The following PCDHA9 variants were observed in gnomAD, a reference collection of about 807,000 sequenced individuals.
PCDHA9 encodes the protein protocadherin alpha 9.
Under a neutral mutation model 62.0 loss-of-function variants are expected in PCDHA9, and 62 were observed. The observed-to-expected ratio is 1.00, with a 90% confidence interval of 0.81 to 1.23. The LOEUF (loss-of-function observed/expected upper bound fraction) is 1.23, where lower values mean the gene tolerates loss of function less well. Ranked by LOEUF, PCDHA9 falls within the 50% of genes most tolerant of loss-of-function variation. PCDHA9 has a pLI of 0.00. For synonymous variants in PCDHA9, 557 were observed against 567.6 expected (o/e 0.98, Z 0.27); for missense variants, 1,205 against 1,249.8 (o/e 0.96, Z 0.54).
chr5:140,874,630 G>A (rs1299205823), intron 1 of PCDHA9, among the ~76,000 whole-genome samples: 2 of 152,212 alleles, frequency 1.3e-5, no homozygotes, highest in Non-Finnish European at 2.9e-5. Context: ...TTACATTAAA[G>A]TGCTTTACTT....
intron 1 of PCDHA9, among the ~76,000 whole-genome samples, chr5:140,894,027 A>G (rs1251239546): frequency 6.6e-6 from 1 of 152,206 alleles, no homozygotes; most frequent in Non-Finnish European, 1.5e-5. Context: ...AGTTCTGCAT[A>G]CTGGTAATGT....
chr5:140,957,555 A>G (rs911734380), intron 1 of PCDHA9, among the ~76,000 whole-genome samples: 4 of 152,120 alleles, frequency 2.6e-5, no homozygotes, highest in Admixed American at 2.6e-4. Flanking sequence ...TTCTCTGTGG[A>G]AAAGGAGGGA....
chr5:141,009,597 G>A (rs1284925593), intron 3 of PCDHA9, 30 bp from the exon 4 acceptor site: 1 of 1,605,790 alleles, frequency 6.2e-7, no homozygotes, highest in Non-Finnish European at 8.5e-7. Flanking sequence ...TGTTGACCCT[G>A]TTAATGATTT....
chr5:140,892,417 G>A lies in PCDHA9; in HGVS notation c.2394+41528G>A, dbSNP rs78605430. 5.2e-3 allele frequency among the ~76,000 whole-genome samples: 785 copies of A among 152,216 alleles called. 8 individuals are homozygous for A. Among genetic ancestry groups the A allele is most frequent in the Non-Finnish European group, 8.7e-3 (594 of 68,002 alleles). ...TCTATTTCAAGCTTCAGGTATTCTA[G>A]ATAAAACCTCATTATCTAAAATTTA... On this transcript the variant is annotated intron_variant, in intron 1 of 3. Transcript: ENST00000532602.
rs2150479672 is a variant in PCDHA9 at position 140,850,323 on chromosome 5, G to A, written c.1828G>A (p.Glu610Lys). The A allele has an allele frequency of 2.5e-6, 4 of 1,597,370 alleles. No individual in the cohort carries two copies. The highest frequency in any genetic ancestry group is 3.4e-6 in the Non-Finnish European group (4 of 1,167,722). Reference sequence around the variant, plus strand: ...GGGCTACAACGCGTGGCTTTCATACGAGCTGCAGCCAGAAACGGCCAGCGC... The same window carrying A: ...GGGCTACAACGCGTGGCTTTCATACAAGCTGCAGCCAGAAACGGCCAGCGC... The part of the protein sequence containing the change: ...DSGYNAWLSY[E>K]LQPETASASI... The change falls in exon 1 of 4, where the codon GAG (glutamate) becomes AAG (lysine). Residue 610 changes from glutamate to lysine, a missense_variant. Glu to Lys is a moderately conservative substitution (Grantham distance 56, BLOSUM62 1). This residue lies in a region of PCDHA9 where 887 missense variants were observed against 809.5 expected (regional missense o/e 1.10). Transcript: ENST00000532602.
At chr5:140,961,347 T>TTGAGAGACCAA (rs2095606709) in intron 1 of PCDHA9, among the ~76,000 whole-genome samples, 1 of 152,216 alleles carries the variant, frequency 6.6e-6, no homozygotes, top group South Asian at 2.1e-4. Flanking sequence ...AGTGGATCCC[T>TTGAGAGACCAA]GTAGTCCCCA....
At chr5:140,918,742 A>T (rs2078833886) in intron 1 of PCDHA9, among the ~76,000 whole-genome samples, 1 of 152,170 alleles carries the variant, frequency 6.6e-6, no homozygotes, top group Non-Finnish European at 1.5e-5. Context: ...GCCCTTATAA[A>T]AGAGGCCCAG....
intron 1 of PCDHA9, chr5:140,882,890 C>T (rs2059348397): frequency 6.2e-7 from 1 of 1,614,060 alleles, no homozygotes; most frequent in East Asian, 2.2e-5. Flanking sequence ...AATTCAGGAA[C>T]ATAGTTTATT....
At chr5:141,005,558 C>T (rs367751568) in intron 3 of PCDHA9, among the ~76,000 whole-genome samples, 1 of 151,122 alleles carries the variant, frequency 6.6e-6, no homozygotes, top group Non-Finnish European at 1.5e-5. Context: ...AAAAATTAGC[C>T]GGGCATGGTG....
Position 140,850,389 on chromosome 5 carries a change from A to T in PCDHA9, c.1894A>T (p.Ser632Cys). 1 of 1,597,864 alleles carries T rather than the reference A, an allele frequency of 6.3e-7. No homozygotes were observed. Among genetic ancestry groups the T allele is most frequent in the South Asian group, 1.1e-5 (1 of 90,516 alleles). Residue 632 changes from serine (S) to cysteine (C), a missense_variant, in exon 1 of 4, where the codon AGC (serine) becomes TGC (cysteine). This residue lies in a region of PCDHA9 where 887 missense variants were observed against 809.5 expected (regional missense o/e 1.10). Coordinates refer to ENST00000532602, the MANE Select transcript of PCDHA9 (RefSeq NM_031857.2). Reference sequence around the variant, plus strand: ...CGTGGGGCTGTACACGGGCGAGATCAGCACAACGCGTGCCCTGGACGAAAC... The same window carrying T: ...CGTGGGGCTGTACACGGGCGAGATCTGCACAACGCGTGCCCTGGACGAAAC... Reference protein sequence around the residue: ...FRVGLYTGEISTTRALDETDA... With the variant: ...FRVGLYTGEICTTRALDETDA...
intron 1 of PCDHA9, chr5:140,859,716 A>T (rs2045984140): frequency 1.3e-5 from 2 of 154,266 alleles, no homozygotes. Flanking sequence ...CACCAAAAAA[A>T]AATTGTGGCA....
chr5:140,875,157 A>T, intron 1 of PCDHA9: 1 of 333,552 alleles, frequency 3.0e-6, no homozygotes, highest in Non-Finnish European at 5.3e-6. Flanking sequence ...CGTGAAAAAT[A>T]ACCCAAAGTC....
chr5:140,967,539 A>G (rs1554229656), intron 1 of PCDHA9: 2 of 1,613,730 alleles, frequency 1.2e-6, no homozygotes, highest in African/African-American at 1.3e-5. Flanking sequence ...CCTGCCTTTG[A>G]CCAGTCCACT....
Position 140,928,358 on chromosome 5 carries a change from CT to C in PCDHA9, c.2395-50590del, listed in dbSNP as rs782782118. 3.7e-6 allele frequency: 6 copies of C among 1,614,178 alleles called. No homozygotes were observed. In the Admixed American group the frequency reaches 1.0e-4, roughly 27 times the overall value. ...TCTTATGAGCTGTTGGATGTTATCT[CT>C]GAAGGGCCATCAGCCTCTAGCTTGC... On this transcript the variant is annotated intron_variant, in intron 1 of 3. Coordinates refer to ENST00000532602, the MANE Select transcript of PCDHA9 (RefSeq NM_031857.2).
At chr5:140,865,393 T>C (rs1484152946) in intron 1 of PCDHA9, 1 of 152,180 alleles carries the variant, frequency 6.6e-6, no homozygotes, top group Admixed American at 6.5e-5. Flanking sequence ...AAAGTTAATA[T>C]AAATGCTGAA....
intron 1 of PCDHA9, among the ~76,000 whole-genome samples, chr5:140,922,137 T>A (rs1235551628): frequency 2.0e-5 from 3 of 151,994 alleles, no homozygotes; most frequent in African/African-American, 7.3e-5. Context: ...TCTCTTATCC[T>A]CCATGAAACT....
chr5:140,864,013 A>G (rs574478230), intron 1 of PCDHA9: 3 of 153,164 alleles, frequency 2.0e-5, no homozygotes, highest in African/African-American at 4.8e-5. Flanking sequence ...AAAAAAAAGT[A>G]CATTGGAAGT....
chr5:140,882,572 T>C, intron 1 of PCDHA9: 1 of 1,614,106 alleles, frequency 6.2e-7, no homozygotes, highest in Non-Finnish European at 8.5e-7. Flanking sequence ...GAGCGCGGAG[T>C]GCAGCATCCA....
At chr5:140,894,506 A>G (rs533835142) in intron 1 of PCDHA9, among the ~76,000 whole-genome samples, 2 of 151,922 alleles carry the variant, frequency 1.3e-5, no homozygotes, top group Non-Finnish European at 2.9e-5. Flanking sequence ...GGCATTATCC[A>G]TAGTGTTTAT....
Sources: allele counts gnomAD v4.1 joint callset (sites outside exome capture counted in the v4.1 genomes callset), GRCh38; gene constraint gnomAD v4.1.1; regional missense constraint gnomAD v4.1.1; transcripts MANE v1.5; gene names NCBI Gene and HGNC (gene_info 2026-07-23, HGNC 2026-07-21).